Variants in TNFSF4 observed in about 807,000 individuals in gnomAD.
The protein encoded by TNFSF4 is tumor necrosis factor ligand superfamily member 4.
In TNFSF4, 4 loss-of-function variants were observed where a neutral mutation model predicts 7.3. The observed-to-expected ratio is 0.55, with a 90% CI of 0.27 to 1.25. The LOEUF is 1.25. Among genes scored for constraint, TNFSF4 ranks in the 50% most tolerant of loss-of-function variants. The pLI, the probability that TNFSF4 is intolerant of heterozygous loss-of-function variation, is 0.12. For missense variants in TNFSF4, 181 were observed against 208.8 expected (o/e 0.87, Z 0.82); for synonymous variants, 76 against 83.7 (o/e 0.91, Z 0.50).
At chr1:173,395,037 T>TAGATGATA in the TNFSF4 span, among the ~76,000 whole-genome samples, 1,690 of 93,778 alleles carry the variant, frequency 0.018, 10 homozygotes, top group East Asian at 0.023. Flanking sequence ...GATAGATAGA[T>TAGATGATA]GATAGATAGA....
At chr1:173,219,082 T>C in the TNFSF4 span, among the ~76,000 whole-genome samples, 1 of 152,192 alleles carries the variant, frequency 6.6e-6, no homozygotes, top group Non-Finnish European at 1.5e-5. Flanking sequence ...ATAAGCTTCA[T>C]AGGAACAATT....
chr1:173,423,901 CA>C, the TNFSF4 span, among the ~76,000 whole-genome samples: 1 of 152,086 alleles, frequency 6.6e-6, no homozygotes, highest in Non-Finnish European at 1.5e-5. Flanking sequence ...AATCCAAGAT[CA>C]AGGTGCCAGC....
chr1:173,250,370 TAA>T, the TNFSF4 span, among the ~76,000 whole-genome samples: 1 of 152,094 alleles, frequency 6.6e-6, no homozygotes, highest in African/African-American at 2.4e-5. Context: ...AAATAGAGGT[TAA>T]GAGACAGAAA....
chr1:173,291,207 A>C, the TNFSF4 span, among the ~76,000 whole-genome samples: 1 of 152,164 alleles, frequency 6.6e-6, no homozygotes, highest in African/African-American at 2.4e-5. Flanking sequence ...AAGCAGGAGC[A>C]AGGGTGCGGA....
the TNFSF4 span, among the ~76,000 whole-genome samples, chr1:173,222,081 A>G: frequency 1.3e-5 from 2 of 152,188 alleles, no homozygotes; most frequent in African/African-American, 2.4e-5. Flanking sequence ...TAGCATTATA[A>G]TCCTGGATTT....
the TNFSF4 span, among the ~76,000 whole-genome samples, chr1:173,430,933 T>C: frequency 6.6e-6 from 1 of 152,260 alleles, no homozygotes; most frequent in Non-Finnish European, 1.5e-5. Flanking sequence ...AGAAAGCCTT[T>C]CTGTAAAACA....
At chr1:173,403,006 C>G in the TNFSF4 span, among the ~76,000 whole-genome samples, 1 of 152,240 alleles carries the variant, frequency 6.6e-6, no homozygotes, top group African/African-American at 2.4e-5. Flanking sequence ...GTGCTCACCA[C>G]GATACCCAGC....
chr1:173,324,770 C>G, the TNFSF4 span, among the ~76,000 whole-genome samples: 1 of 152,048 alleles, frequency 6.6e-6, no homozygotes, highest in Non-Finnish European at 1.5e-5. Context: ...ACAAAGAAGG[C>G]CATTACATAA....
chr1:173,413,827 A>G, the TNFSF4 span, among the ~76,000 whole-genome samples: 59 of 152,290 alleles, frequency 3.9e-4, no homozygotes, highest in Admixed American at 3.9e-4. Context: ...ACTGCTTGAA[A>G]CCAGGAATCC....
At chr1:173,395,034 AGAT>A in the TNFSF4 span, among the ~76,000 whole-genome samples, 10,662 of 74,314 alleles carry the variant, frequency 0.14, 385 homozygotes, top group Non-Finnish European at 0.17. Context: ...ATAGATAGAT[AGAT>A]GATAGATAGA....
the TNFSF4 span, among the ~76,000 whole-genome samples, chr1:173,177,513 A>T: frequency 6.6e-6 from 1 of 152,200 alleles, no homozygotes; most frequent in Non-Finnish European, 1.5e-5. Context: ...TGACGAAAAA[A>T]TCTGTATACC....
chr1:173,234,960 A>C, the TNFSF4 span, among the ~76,000 whole-genome samples: 1 of 152,180 alleles, frequency 6.6e-6, no homozygotes, highest in Admixed American at 6.5e-5. Context: ...ATAATTTAAA[A>C]AAAGAAAAGC....
chr1:173,434,651 A>G, the TNFSF4 span, among the ~76,000 whole-genome samples: 2 of 152,242 alleles, frequency 1.3e-5, no homozygotes, highest in African/African-American at 4.8e-5. Context: ...GAGTGGCTAC[A>G]AAAGTGTGCA....
At chr1:173,351,844 A>G in the TNFSF4 span, 1 of 604,268 alleles carries the variant, frequency 1.7e-6, no homozygotes, top group South Asian at 1.7e-5. Context: ...GAAAAGGCCA[A>G]TGGCACAACT....
the TNFSF4 span, among the ~76,000 whole-genome samples, chr1:173,415,066 G>A: frequency 2.0e-5 from 3 of 152,252 alleles, no homozygotes; most frequent in South Asian, 2.1e-4. Context: ...CTCCCCCAGC[G>A]TGCTGATTGG....
chr1:173,205,702 G>A (rs530113926), intron 1 of TNFSF4: 8 of 539,044 alleles, frequency 1.5e-5, no homozygotes, highest in Non-Finnish European at 1.4e-5. Context: ...AATTCCGGTT[G>A]ATGTCTTGGG....
At chr1:173,416,758 G>A in the TNFSF4 span, among the ~76,000 whole-genome samples, 2 of 151,846 alleles carry the variant, frequency 1.3e-5, no homozygotes, top group South Asian at 2.1e-4. Flanking sequence ...CAGCATGCCC[G>A]GCTAATTTTT....
the TNFSF4 span, among the ~76,000 whole-genome samples, chr1:173,432,670 G>T: frequency 6.6e-6 from 1 of 151,914 alleles, no homozygotes; most frequent in South Asian, 2.1e-4. Flanking sequence ...TAAACAAGAG[G>T]TTATGGCAAC....
the TNFSF4 span, among the ~76,000 whole-genome samples, chr1:173,450,062 A>T: frequency 3.3e-5 from 5 of 152,310 alleles, no homozygotes; most frequent in East Asian, 9.6e-4. Context: ...AATAAGATGC[A>T]AATTAGAAAC....
Sources: gnomAD v4.1 joint callset for allele counts (sites outside exome capture counted in the v4.1 genomes callset) on GRCh38, gnomAD v4.1.1 for gene constraint, MANE v1.5 for transcripts, NCBI Gene and HGNC (gene_info 2026-07-23, HGNC 2026-07-21) for gene names.